CDC42BPA: variants seen among roughly 807,000 people sequenced by gnomAD.
The protein encoded by CDC42BPA is CDC42 binding protein kinase alpha, also known as serine/threonine-protein kinase MRCK alpha.
A neutral mutation model predicts 223.5 loss-of-function variants in CDC42BPA; 80 were observed. That is an observed-to-expected ratio of 0.36 (90% confidence interval 0.30 to 0.43). The LOEUF is 0.43. Ranked by LOEUF, CDC42BPA falls within the 20% of genes least tolerant of loss-of-function variation. The pLI, the probability that CDC42BPA is intolerant of heterozygous loss-of-function variation, is 1.00. For synonymous variants in CDC42BPA, 694 were observed against 718.6 expected (o/e 0.97, Z 0.55); for missense variants, 1,743 against 2,099.9 (o/e 0.83, Z 3.32).
In CDC42BPA at chr1:227,072,434, G is replaced by A. The variant is rs1293113903; in HGVS notation, c.2736-135C>T. 11 of 584,968 alleles carry A rather than the reference G, an allele frequency of 1.9e-5. No individual in the cohort carries two copies. In the Admixed American group the frequency reaches 2.5e-4, roughly 13 times the overall value. The allele number at this position is 584,968 out of a possible 1,614,324, so 36.2% of individuals were successfully genotyped here. ...AGGGGACTATAAATTACTGCGGGAAGAACAAATACAGCTTGCTACCTACTT... is the reference window on the plus strand; with the variant it reads ...AGGGGACTATAAATTACTGCGGGAAAAACAAATACAGCTTGCTACCTACTT... On this transcript the variant is annotated intron_variant, in intron 19 of 36. Coordinates refer to ENST00000366766, the MANE Select transcript of CDC42BPA (RefSeq NM_001394014.1).
intron 23 of CDC42BPA, among the ~76,000 whole-genome samples, chr1:227,045,634 C>T (rs887985019): frequency 1.3e-4 from 20 of 151,994 alleles, no homozygotes; most frequent in African/African-American, 4.8e-4. Flanking sequence ...CTAATTTCTA[C>T]CTGATTTTTT....
At chr1:227,316,975 T>A in intron 1 of CDC42BPA, 30 bp downstream of exon 1, 2 of 1,526,838 alleles carry the variant, frequency 1.3e-6, no homozygotes, top group Non-Finnish European at 1.8e-6. Context: ...AGCTAAAGAT[T>A]AACAGTTTCT....
chr1:227,243,756 T>TCACACACACACA (rs5781477), intron 2 of CDC42BPA, among the ~76,000 whole-genome samples: 3 of 146,564 alleles, frequency 2.0e-5, no homozygotes, highest in Non-Finnish European at 4.5e-5. Context: ...AAAAGATTTG[T>TCACACACACACA]CACACACACA....
At chr1:227,044,402 AC>A (rs1671984399) in intron 23 of CDC42BPA, among the ~76,000 whole-genome samples, 1 of 148,988 alleles carries the variant, frequency 6.7e-6, no homozygotes, top group Non-Finnish European at 1.5e-5. Flanking sequence ...ATTCCCAGTC[AC>A]AAAAAATTTT....
chr1:226,998,286 A>G (rs1401971310), intron 35 of CDC42BPA, among the ~76,000 whole-genome samples: 2 of 152,252 alleles, frequency 1.3e-5, no homozygotes, highest in Non-Finnish European at 2.9e-5. Flanking sequence ...CAGAATTAGA[A>G]AAAACTACTT....
intron 16 of CDC42BPA, among the ~76,000 whole-genome samples, chr1:227,083,275 TAA>T (rs67660361): frequency 2.6e-5 from 4 of 151,598 alleles, no homozygotes; most frequent in Non-Finnish European, 5.9e-5. Flanking sequence ...CACTTTAGTC[TAA>T]AAAATTTTTT....
chr1:227,290,456 TATTGA>T (rs1350044230), intron 1 of CDC42BPA, among the ~76,000 whole-genome samples: 1 of 152,194 alleles, frequency 6.6e-6, no homozygotes, highest in Non-Finnish European at 1.5e-5. Context: ...TTAAAAAATT[TATTGA>T]ATTGACTTTA....
intron 6 of CDC42BPA, among the ~76,000 whole-genome samples, 182 bp from the exon 7 acceptor site, chr1:227,147,741 GATTTCATAACACTATAGAACTTTT>G (rs1190798019): frequency 3.9e-5 from 6 of 151,930 alleles, no homozygotes; most frequent in Non-Finnish European, 1.5e-5. Context: ...TAGTTTTCAG[GATTTCATAACACTATAGAACTTTT>G]ATTATAGTGT....
Position 227,270,285 on chromosome 1 carries a change from G to T in CDC42BPA, c.179-16130C>A, listed in dbSNP as rs16847558. 2.2e-3 allele frequency among the ~76,000 whole-genome samples: 335 copies of T among 152,236 alleles called. 9 individuals are homozygous for T. The East Asian group carries it at 0.046, about 21-fold the overall frequency. ...ACTTAAGTAAATGCATAGGAAGAGGGTCTAAAAGGATACATGTCAAACAAT... is the reference window on the plus strand; with the variant it reads ...ACTTAAGTAAATGCATAGGAAGAGGTTCTAAAAGGATACATGTCAAACAAT... On this transcript the variant is annotated intron_variant, in intron 1 of 36. Coordinates refer to ENST00000366766, the MANE Select transcript of CDC42BPA (RefSeq NM_001394014.1).
At position 227,197,251 on chromosome 1, in the gene CDC42BPA, T is replaced by G. The variant is rs367699226; in HGVS notation, c.450+2306A>C. 4.5e-4 allele frequency among the ~76,000 whole-genome samples: 68 copies of G among 152,252 alleles called. No homozygotes were observed. In the East Asian group the frequency reaches 9.4e-3, roughly 21 times the overall value. On this transcript the variant is annotated intron_variant, in intron 4 of 36. Transcript: ENST00000366766. ...AATTTCCTTTTTTGGTATCTAAAAT[T>G]AGCTTTGTCGACATTTTTTAATGAT...
chr1:227,223,927 G>T (rs1328611225), intron 2 of CDC42BPA, among the ~76,000 whole-genome samples: 1 of 152,148 alleles, frequency 6.6e-6, no homozygotes, highest in African/African-American at 2.4e-5. Flanking sequence ...CCCACTGTAG[G>T]CTAATAACAT....
At chr1:227,261,059 A>T (rs1683951332) in intron 1 of CDC42BPA, among the ~76,000 whole-genome samples, 1 of 150,524 alleles carries the variant, frequency 6.6e-6, no homozygotes, top group African/African-American at 2.5e-5. Flanking sequence ...TAAAAACAGT[A>T]TTATTCACCT....
chr1:227,123,755 A>C (rs543439678), intron 11 of CDC42BPA, among the ~76,000 whole-genome samples: 5 of 152,202 alleles, frequency 3.3e-5, no homozygotes, highest in Non-Finnish European at 7.3e-5. Flanking sequence ...AACTCTTCTG[A>C]GATGCGAAGA....
chr1:227,165,652 G>C (rs1664910126), intron 5 of CDC42BPA, among the ~76,000 whole-genome samples: 1 of 152,132 alleles, frequency 6.6e-6, no homozygotes, highest in Admixed American at 6.5e-5. Flanking sequence ...ATGCAGGGAG[G>C]AAAAGTAGAA....
chr1:227,061,766 G>A (rs1675960221), intron 21 of CDC42BPA, among the ~76,000 whole-genome samples: 1 of 152,110 alleles, frequency 6.6e-6, no homozygotes, highest in African/African-American at 2.4e-5. Context: ...TAGCTTTTGT[G>A]GAGTCCTATT....
intron 1 of CDC42BPA, among the ~76,000 whole-genome samples, chr1:227,257,779 T>A (rs540304726): frequency 3.3e-5 from 5 of 150,284 alleles, no homozygotes; most frequent in African/African-American, 5.0e-5. Context: ...AAAACTTTTT[T>A]AAAAATCACA....
chr1:227,217,136 C>T (rs972285148), intron 2 of CDC42BPA, among the ~76,000 whole-genome samples: 2 of 152,082 alleles, frequency 1.3e-5, no homozygotes, highest in Non-Finnish European at 1.5e-5. Flanking sequence ...ATTCATTCAC[C>T]ATATCTCCTC....
In CDC42BPA at chr1:226,992,803, C is replaced by T. The variant is rs1011897366; in HGVS notation, c.*1465G>A. ...TGAAATGATTCTGTAGAAATAGATC[C>T]TTCTGATTCTGCATCTCATTTCCTT... On this transcript the variant is annotated 3_prime_UTR_variant, in exon 37 of 37. Transcript: ENST00000366766. 4 of 152,134 alleles carry T rather than the reference C, an allele frequency of 2.6e-5. No homozygotes were observed. The highest frequency in any genetic ancestry group is 1.3e-4 in the Admixed American group (2 of 15,274). 9.4% of individuals were successfully genotyped at this position (152,134 alleles called of 1,614,324 possible). A position where few individuals can be genotyped will look rare whatever the true frequency, so the allele number is the denominator to read the frequency against.
chr1:227,021,403 G>C (rs977199092), intron 32 of CDC42BPA, among the ~76,000 whole-genome samples: 3 of 152,082 alleles, frequency 2.0e-5, no homozygotes, highest in Non-Finnish European at 2.9e-5. Context: ...ACTTCACGGG[G>C]TATCCATCTC....
Sources: allele counts gnomAD v4.1 joint callset (sites outside exome capture counted in the v4.1 genomes callset), GRCh38; gene constraint gnomAD v4.1.1; transcripts MANE v1.5; gene names NCBI Gene and HGNC (gene_info 2026-07-23, HGNC 2026-07-21).